MYO1C: variants seen among roughly 807,000 people sequenced by gnomAD.
MYO1C encodes the protein myosin IC, also known as unconventional myosin-Ic.
A neutral mutation model predicts 150.8 loss-of-function variants in MYO1C; 104 were observed. The ratio of observed to expected loss-of-function variants is 0.69; its 90% confidence interval spans 0.59 to 0.81. The LOEUF (loss-of-function observed/expected upper bound fraction) is 0.81. Among genes scored for constraint, MYO1C ranks in the 30% least tolerant of loss-of-function variants. The pLI is 0.00. For missense variants in MYO1C, 1,504 were observed against 1,435.0 expected (o/e 1.05, Z -0.78); for synonymous variants, 663 against 579.9 (o/e 1.14, Z -2.06).
intron 7 of MYO1C, among the ~76,000 whole-genome samples, chr17:1,480,222 G>A (rs1334484599): frequency 2.6e-5 from 4 of 151,592 alleles, no homozygotes; most frequent in East Asian, 3.9e-4. Flanking sequence ...TGAGGCAGGC[G>A]GATCACCTGA....
chr17:1,468,399 T>C lies in MYO1C; in HGVS notation c.2704+4A>G. Reference sequence around the variant, plus strand: ...GTCTGAGTGCTGGAAAGTCAGGGGCTCACCAAGCCGAGTGCTGATGAAGAG... The same window carrying C: ...GTCTGAGTGCTGGAAAGTCAGGGGCCCACCAAGCCGAGTGCTGATGAAGAG... On this transcript the variant is annotated splice_donor_region_variant and intron_variant, in intron 26 of 31. Transcript: ENST00000648651. 6.2e-7 allele frequency: 1 copy of C among 1,613,926 alleles called. No homozygotes were observed. The highest frequency in any genetic ancestry group is 8.5e-7 in the Non-Finnish European group (1 of 1,179,874).
chr17:1,482,082 C>A (rs752566856), intron 5 of MYO1C, among the ~76,000 whole-genome samples: 1 of 151,970 alleles, frequency 6.6e-6, no homozygotes, highest in Non-Finnish European at 1.5e-5. Flanking sequence ...GGTCTCACTC[C>A]GTAGCCCAAG....
intron 19 of MYO1C, 57 bp downstream of exon 19, chr17:1,471,850 T>C (rs2074309665): frequency 1.0e-5 from 16 of 1,554,004 alleles, no homozygotes; most frequent in Non-Finnish European, 1.4e-5. Context: ...TCATGGGACC[T>C]AGGGGCTCCT....
At chr17:1,484,420 C>T (rs555314580) in intron 1 of MYO1C, 117 bp from the exon 2 acceptor site, 71 of 1,282,922 alleles carry the variant, frequency 5.5e-5, no homozygotes, top group Non-Finnish European at 6.9e-5. Context: ...GGGCTAGACA[C>T]GGGACATGAG....
chr17:1,470,394 C>T (rs1446506652), intron 23 of MYO1C, 41 bp downstream of exon 23: 5 of 1,546,860 alleles, frequency 3.2e-6, no homozygotes, highest in East Asian at 2.4e-5. Flanking sequence ...CCACCCCCCA[C>T]GCCCTGCTCT....
chr17:1,484,505 G>C, intron 1 of MYO1C: 2 of 646,944 alleles, frequency 3.1e-6, no homozygotes, highest in Non-Finnish European at 5.4e-6. Context: ...GGGTGTGGAG[G>C]GCCCGGGTCC....
At chr17:1,484,629 G>C in intron 1 of MYO1C, 2 of 512,894 alleles carry the variant, frequency 3.9e-6, no homozygotes, top group Non-Finnish European at 7.1e-6. Flanking sequence ...GGCAGAACCC[G>C]GGAGGTGCTG....
At chr17:1,484,090 T>C in intron 2 of MYO1C, 58 bp downstream of exon 2, 1 of 1,568,754 alleles carries the variant, frequency 6.4e-7, no homozygotes, top group Non-Finnish European at 8.7e-7. Flanking sequence ...CTCTTTCCCC[T>C]CCGCTTGCCT....
Position 1,480,638 on chromosome 17 carries a change from C to T in MYO1C, c.808-13G>A. ...TGGCACACTGGCCCTGGAGGAAGGG[C>T]ACAGCTGGGTTGCCAGCCCTGGCAC... On this transcript the variant is annotated splice_polypyrimidine_tract_variant and intron_variant, in intron 6 of 31. Transcript: ENST00000648651. 6.2e-7 allele frequency: 1 copy of T among 1,614,060 alleles called. No homozygotes were observed. The highest frequency in any genetic ancestry group is 1.6e-4 in the Middle Eastern group (1 of 6,062).
rs551198640 is a variant in MYO1C at position 1,484,368 on chromosome 17, C to T, written c.76-65G>A. 2.5e-3 allele frequency: 3,978 copies of T among 1,578,128 alleles called. 10 individuals carry two copies. Among genetic ancestry groups the T allele is most frequent in the Non-Finnish European group, 3.2e-3 (3,667 of 1,162,890 alleles). ...GGGGCGGGGCAAGGCCACTTCCCTG[C>T]GCCTGTGGGACTGAGAGGGAACGTA... On this transcript the variant is annotated intron_variant, in intron 1 of 31. Coordinates refer to ENST00000648651, the MANE Select transcript of MYO1C (RefSeq NM_001080779.2).
In MYO1C at chr17:1,479,659, T is replaced by A; in HGVS notation, c.953A>T (p.His318Leu). 1 of 1,613,034 alleles carries A rather than the reference T, an allele frequency of 6.2e-7. No individual in the cohort carries two copies. The highest frequency in any genetic ancestry group is 1.1e-5 in the South Asian group (1 of 90,832). The change falls in exon 8 of 32, where the codon CAC becomes CTC. Residue 318 changes from histidine (H) to leucine (L), a missense_variant. Coordinates refer to ENST00000648651, the MANE Select transcript of MYO1C (RefSeq NM_001080779.2). The surrounding 1 kb of genome is among the most constrained non-coding windows in gnomAD (Gnocchi z 4.2). ...VASVLHLGNI[H>L]FAANEESNAQ... Reference sequence around the variant, plus strand: ...ATTGCTCTCCTCGTTGGCAGCAAAGTGGATGTTGCCCAAATGAAGGACGCT... The same window carrying A: ...ATTGCTCTCCTCGTTGGCAGCAAAGAGGATGTTGCCCAAATGAAGGACGCT...
At chr17:1,484,889 C>T in intron 1 of MYO1C, 1 of 396,680 alleles carries the variant, frequency 2.5e-6, no homozygotes, top group Non-Finnish European at 4.9e-6. Flanking sequence ...CAGACCCACC[C>T]CCACCTCCAC....
chr17:1,490,836 C>G (rs192081965), intron 1 of MYO1C: 1,918 of 129,144 alleles, frequency 0.015, 46 homozygotes, highest in African/African-American at 0.051. Flanking sequence ...ACCCCTCCCC[C>G]CAGGAGGGGG....
chr17:1,467,391 C>A, intron 30 of MYO1C, 50 bp from the exon 31 acceptor site: 2 of 1,596,966 alleles, frequency 1.3e-6, no homozygotes, highest in Non-Finnish European at 1.7e-6. Flanking sequence ...AGACCCCCAA[C>A]CCTAAGGTGG....
intron 17 of MYO1C, 111 bp from the exon 18 acceptor site, chr17:1,472,339 C>T: frequency 1.1e-6 from 1 of 893,682 alleles, no homozygotes; most frequent in Non-Finnish European, 1.8e-6. Context: ...GCCTCTGATT[C>T]TGCCTGGTCC....
At chr17:1,467,403 C>T in intron 30 of MYO1C, 62 bp from the exon 31 acceptor site, 1 of 1,593,102 alleles carries the variant, frequency 6.3e-7, no homozygotes. Flanking sequence ...CTAAGGTGGA[C>T]CCCCACCCTG....
intron 28 of MYO1C, 23 bp downstream of exon 28, chr17:1,467,965 T>A (rs1314484884): frequency 1.2e-6 from 2 of 1,612,718 alleles, no homozygotes; most frequent in Non-Finnish European, 1.7e-6. Flanking sequence ...GCCCTCCCCC[T>A]GCAGCCCTGG....
chr17:1,480,835 T>G lies in MYO1C; in HGVS notation c.678A>C (p.Arg226=), dbSNP rs777892456. Residue 226 remains arginine (R), a synonymous_variant, in exon 6 of 32, where the codon CGA becomes CGC. Coordinates refer to ENST00000648651, the MANE Select transcript of MYO1C (RefSeq NM_001080779.2). ...HILSYLLEKS[R]VVHQNHGERN... is the part of the protein sequence containing the mutation. ...GCTCCCCATGATTCTGGTGCACCAC[T>G]CGTGACTTTTCCAGGAGGTAACTGA... The G allele has an allele frequency of 6.2e-7, 1 of 1,614,060 alleles. No individual in the cohort carries two copies. Among genetic ancestry groups the G allele is most frequent in the Non-Finnish European group, 8.5e-7 (1 of 1,179,996 alleles).
At chr17:1,470,084 C>T in intron 24 of MYO1C, 91 bp downstream of exon 24, 1 of 1,362,560 alleles carries the variant, frequency 7.3e-7, no homozygotes, top group South Asian at 1.4e-5. Context: ...CCTCCGTGAG[C>T]CCTCCCTGAC....
Sources: gnomAD v4.1 joint callset for allele counts (sites outside exome capture counted in the v4.1 genomes callset) on GRCh38, gnomAD v4.1.1 for gene constraint, Gnocchi (gnomAD v3.1) non-coding constraint, MANE v1.5 for transcripts, NCBI Gene and HGNC (gene_info 2026-07-23, HGNC 2026-07-21) for gene names.